RUSF1: variants seen among roughly 807,000 people sequenced by gnomAD.
RUSF1 encodes RUS family member 1.
A neutral mutation model predicts 63.0 loss-of-function variants in RUSF1; 58 were observed. That is an observed-to-expected ratio of 0.92 (90% CI 0.75 to 1.15). The LOEUF is 1.15. RUSF1 is among the 50% of genes most tolerant of loss of function. RUSF1 has a pLI of 0.00. For missense variants in RUSF1, 652 were observed against 611.0 expected, an observed-to-expected ratio of 1.07 and a Z score of -0.71; for synonymous variants, 274 against 255.8, an observed-to-expected ratio of 1.07 and a Z score of -0.68.
chr16:31,489,485 A>C lies in RUSF1; in HGVS notation c.*1350T>G. ...CAGCTGCAGTTGCAATTGCCGAGCAAGAATTTTTATTTAAATACATTTATT... is the reference window on the plus strand; with the variant it reads ...CAGCTGCAGTTGCAATTGCCGAGCACGAATTTTTATTTAAATACATTTATT... On this transcript the variant is annotated 3_prime_UTR_variant, in exon 13 of 13. Coordinates refer to ENST00000327237, the MANE Select transcript of RUSF1 (RefSeq NM_022744.4). 1.4e-6 allele frequency: 1 copy of C among 722,736 alleles called. No homozygotes were observed. 44.8% of individuals were successfully genotyped at this position (722,736 alleles called of 1,614,324 possible). A position where few individuals can be genotyped will look rare whatever the true frequency, so the allele number is the denominator to read the frequency against.
intron 6 of RUSF1, among the ~76,000 whole-genome samples, chr16:31,495,133 T>C (rs552149714): frequency 6.6e-6 from 1 of 152,302 alleles, no homozygotes; most frequent in East Asian, 1.9e-4. Flanking sequence ...GAGAACACTC[T>C]GATGGCTGGA....
chr16:31,500,253 T>A (rs768547310), intron 3 of RUSF1, among the ~76,000 whole-genome samples: 1 of 152,102 alleles, frequency 6.6e-6, no homozygotes, highest in Non-Finnish European at 1.5e-5. Flanking sequence ...GGGAGAGGTA[T>A]CAGACACACA....
At chr16:31,502,457 C>A (rs553881689) in intron 2 of RUSF1, among the ~76,000 whole-genome samples, 2 of 152,292 alleles carry the variant, frequency 1.3e-5, no homozygotes, top group South Asian at 4.1e-4. Context: ...AGGGATCATT[C>A]CCCTTCACTA....
intron 12 of RUSF1, among the ~76,000 whole-genome samples, chr16:31,491,791 T>C (rs1251871914): frequency 6.6e-6 from 1 of 152,006 alleles, no homozygotes; most frequent in African/African-American, 2.4e-5. Context: ...TGTGTTTTTT[T>C]TGTACAGACA....
At chr16:31,494,712 CTT>C (rs79017975) in intron 6 of RUSF1, among the ~76,000 whole-genome samples, 5 of 142,706 alleles carry the variant, frequency 3.5e-5, no homozygotes, top group Admixed American at 1.4e-4. Flanking sequence ...CTAATGTGTA[CTT>C]TTTTTTTTTT....
intron 5 of RUSF1, among the ~76,000 whole-genome samples, chr16:31,498,757 C>T (rs536954938): frequency 3.9e-5 from 6 of 152,240 alleles, no homozygotes; most frequent in South Asian, 2.1e-4. Context: ...TTCTTTTGCC[C>T]GGAACACCCG....
At chr16:31,504,893 ATG>A (rs1446570307) in intron 2 of RUSF1, among the ~76,000 whole-genome samples, 3 of 152,174 alleles carry the variant, frequency 2.0e-5, no homozygotes, top group Non-Finnish European at 4.4e-5. Flanking sequence ...GCGGTGCAGG[ATG>A]TGTCTTGTTA....
At chr16:31,507,009 T>C (rs1442121030) in intron 2 of RUSF1, among the ~76,000 whole-genome samples, 1 of 152,220 alleles carries the variant, frequency 6.6e-6, no homozygotes, top group Non-Finnish European at 1.5e-5. Context: ...GCGCTTTTCC[T>C]TAGATCTATT....
chr16:31,503,038 T>C (rs2082640480), intron 2 of RUSF1, among the ~76,000 whole-genome samples: 1 of 152,242 alleles, frequency 6.6e-6, no homozygotes, highest in African/African-American at 2.4e-5. Flanking sequence ...CCATGGATCA[T>C]CAGAGGCATT....
At position 31,492,206 on chromosome 16, in the gene RUSF1, C is replaced by T. The variant is rs367549185; in HGVS notation, c.1222G>A (p.Val408Met). ...PAELEELRNR[V>M]RAGPKKESWV... Reference sequence around the variant, plus strand: ...ATCTTGAGGCACTTACCTGCCCGCACCCGGTTCCTCAGCTCCTCCAGCTCT... The same window carrying T: ...ATCTTGAGGCACTTACCTGCCCGCATCCGGTTCCTCAGCTCCTCCAGCTCT... Residue 408 changes from valine to methionine, a missense_variant, in exon 11 of 13, where the codon GTG (valine) becomes ATG (methionine). Physicochemically the swap from Val to Met is conservative, Grantham distance 21. Transcript: ENST00000327237. 10 of 1,610,720 alleles carry T rather than the reference C, an allele frequency of 6.2e-6. No individual in the cohort carries two copies. The highest frequency in any genetic ancestry group is 3.3e-5 in the Admixed American group (2 of 59,744).
rs551425869 is a variant in RUSF1 at position 31,490,725 on chromosome 16, C to T, written c.*110G>A. 5.3e-5 allele frequency: 69 copies of T among 1,303,310 alleles called. No homozygotes were observed. Among genetic ancestry groups the T allele is most frequent in the Admixed American group, 3.0e-4 (17 of 57,402 alleles). 80.7% of individuals were successfully genotyped at this position (1,303,310 alleles called of 1,614,324 possible). On this transcript the variant is annotated 3_prime_UTR_variant, in exon 13 of 13. Transcript: ENST00000327237. ...ACTTCCCATGAGGGCCTGGCCCACC[C>T]GCTGCAGTTGCCCTAAGGAAAAATA...
rs34231527 is a variant in RUSF1, at chr16:31,493,931, C to T, written c.708G>A (p.Thr236=). The T allele has an allele frequency of 1.5e-3, 2,411 of 1,614,076 alleles. 29 individuals carry two copies. In the African/African-American group the frequency reaches 0.029, roughly 19 times the overall value. Residue 236 remains threonine (T), a synonymous_variant, in exon 7 of 13, where the codon ACG becomes ACA. Transcript: ENST00000327237. ...DVSAKDSSQE[T]LVNLAGLLVS... ...CCAAGAGCCCCGCCAGGTTCACCAG[C>T]GTCTCCTGGAAAATGGCAGAGGGAG...
chr16:31,495,096 A>G (rs2082595011), intron 6 of RUSF1, among the ~76,000 whole-genome samples: 2 of 152,006 alleles, frequency 1.3e-5, no homozygotes, highest in African/African-American at 4.8e-5. Context: ...CAAGACCCAC[A>G]CCTCTTCCCT....
In RUSF1 at chr16:31,489,524, G is replaced by T; in HGVS notation, c.*1311C>A. 1 of 646,602 alleles carries T rather than the reference G, an allele frequency of 1.5e-6. No homozygotes were observed. The highest frequency in any genetic ancestry group is 1.8e-5 in the South Asian group (1 of 55,516). 40.1% of individuals were successfully genotyped at this position (646,602 alleles called of 1,614,324 possible). On this transcript the variant is annotated 3_prime_UTR_variant, in exon 13 of 13. Transcript: ENST00000327237. Reference sequence around the variant, plus strand: ...AATACATTTATTTGAACCGGCCTGGGGGAGGCTTGATGTTGATGGGTTGGT... The same window carrying T: ...AATACATTTATTTGAACCGGCCTGGTGGAGGCTTGATGTTGATGGGTTGGT...
rs9935194 is a variant in RUSF1, at chr16:31,503,727, A to T, written c.416-2996T>A. ...GCCCAGGCTGGAGTGCAATGGCGCA[A>T]TCTCGGCTCACCACAACCTCCGCCT... On this transcript the variant is annotated intron_variant, in intron 2 of 12. Transcript: ENST00000327237. 8.5e-3 allele frequency among the ~76,000 whole-genome samples: 1,295 copies of T among 152,290 alleles called. 12 individuals are homozygous for T. The highest frequency in any genetic ancestry group is 0.029 in the African/African-American group (1,225 of 41,564).
chr16:31,496,918 C>G lies in RUSF1; in HGVS notation c.633G>C (p.Arg211=). The change falls in exon 6 of 13, where the codon CGG becomes CGC. Residue 211 remains arginine (R), a synonymous_variant. Transcript: ENST00000327237. ...CIVSVAGGAT[R]AALTVHQARR... The stretch of plus-strand genomic sequence containing the variant: ...GAGCCTGGTGCACGGTCAGGGCAGC[C>G]CGAGTGGCCCCACCAGCAACACTCA... The G allele has an allele frequency of 6.2e-7, 1 of 1,609,622 alleles. No individual in the cohort carries two copies. Among genetic ancestry groups the G allele is most frequent in the Non-Finnish European group, 8.5e-7 (1 of 1,178,350 alleles).
At chr16:31,496,451 T>C (rs1211586656) in intron 6 of RUSF1, among the ~76,000 whole-genome samples, 1 of 152,092 alleles carries the variant, frequency 6.6e-6, no homozygotes, top group East Asian at 1.9e-4. Flanking sequence ...CCAGGCTCCC[T>C]AGGGTGGGCA....
chr16:31,500,624 C>A, intron 3 of RUSF1, 62 bp downstream of exon 3: 10 of 1,553,236 alleles, frequency 6.4e-6, no homozygotes, highest in Non-Finnish European at 8.8e-6. Flanking sequence ...AATACTATTA[C>A]TATCATTACT....
rs201744362 is a variant in RUSF1 at position 31,493,684 on chromosome 16, G to A, written c.877C>T (p.Arg293Trp). 470 of 1,614,258 alleles carry A rather than the reference G, an allele frequency of 2.9e-4. 5 individuals carry two copies. In the South Asian group the frequency reaches 4.8e-3, roughly 17 times the overall value. ...VMETLNEGRL[R>W]LVLKHYLQRG... Reference sequence around the variant, plus strand: ...TGAAGGTAGTGCTTCAGGACCAGCCGGAGCCGGCCTTCGTTCAAGGTCTCC... The same window carrying A: ...TGAAGGTAGTGCTTCAGGACCAGCCAGAGCCGGCCTTCGTTCAAGGTCTCC... The change falls in exon 8 of 13, where the codon CGG becomes TGG. Residue 293 changes from arginine (R) to tryptophan (W), a missense_variant. Coordinates refer to ENST00000327237, the MANE Select transcript of RUSF1 (RefSeq NM_022744.4).
Sources: allele counts gnomAD v4.1 joint callset (sites outside exome capture counted in the v4.1 genomes callset), GRCh38; gene constraint gnomAD v4.1.1; transcripts MANE v1.5; gene names NCBI Gene and HGNC (gene_info 2026-07-23, HGNC 2026-07-21).